ENTREP2: variants seen among roughly 807,000 people sequenced by gnomAD.
ENTREP2 encodes endosomal transmembrane epsin interactor 2.
chr15:29,450,887 C>T, the ENTREP2 span, among the ~76,000 whole-genome samples: 1,846 of 151,952 alleles, frequency 0.012, 34 homozygotes, highest in African/African-American at 0.041. Context: ...CACTTAAAAG[C>T]GGGAGCTAAA....
the ENTREP2 span, among the ~76,000 whole-genome samples, chr15:29,219,772 C>A: frequency 6.6e-6 from 1 of 150,492 alleles, no homozygotes; most frequent in Non-Finnish European, 1.5e-5. Context: ...GAATGGAAAA[C>A]CAAACATCGT....
the ENTREP2 span, among the ~76,000 whole-genome samples, chr15:29,535,507 C>A: frequency 1.3e-5 from 2 of 152,052 alleles, no homozygotes; most frequent in African/African-American, 2.4e-5. Context: ...CCTGGTGAGA[C>A]CCTGTCTCTA....
At chr15:29,290,127 C>T in the ENTREP2 span, among the ~76,000 whole-genome samples, 2 of 152,258 alleles carry the variant, frequency 1.3e-5, no homozygotes, top group Admixed American at 1.3e-4. Flanking sequence ...CACCTCACCA[C>T]CACAATGGTC....
At chr15:29,291,011 C>G in the ENTREP2 span, among the ~76,000 whole-genome samples, 1 of 152,182 alleles carries the variant, frequency 6.6e-6, no homozygotes, top group Non-Finnish European at 1.5e-5. Flanking sequence ...GTGCCTGAGT[C>G]TGGTGAATGG....
chr15:29,161,299 G>A, the ENTREP2 span, among the ~76,000 whole-genome samples: 1 of 152,182 alleles, frequency 6.6e-6, no homozygotes, highest in African/African-American at 2.4e-5. Flanking sequence ...CAAGCTCAGT[G>A]TTTCTGCCCC....
At chr15:29,196,595 G>A in the ENTREP2 span, 1,504 of 1,533,820 alleles carry the variant, frequency 9.8e-4, 7 homozygotes, top group African/African-American at 0.014. Context: ...AGACCTCACC[G>A]TTAACAGGCA....
At chr15:29,234,364 A>C in the ENTREP2 span, 1 of 1,576,474 alleles carries the variant, frequency 6.3e-7, no homozygotes, top group South Asian at 1.1e-5. Flanking sequence ...TGTAACACAG[A>C]AATGTCACTC....
At chr15:29,301,633 C>T in the ENTREP2 span, among the ~76,000 whole-genome samples, 19 of 152,164 alleles carry the variant, frequency 1.2e-4, no homozygotes, top group African/African-American at 4.6e-4. Context: ...CTGGGAATGA[C>T]CCAATGGAAG....
At chr15:29,566,846 T>TACACACACACACACAC in the ENTREP2 span, among the ~76,000 whole-genome samples, 8,351 of 145,954 alleles carry the variant, frequency 0.057, 404 homozygotes, top group East Asian at 0.22. Flanking sequence ...AAAGGAAAAA[T>TACACACACACACACAC]ACACACACAC....
the ENTREP2 span, among the ~76,000 whole-genome samples, chr15:29,169,830 T>C: frequency 1.3e-5 from 2 of 152,086 alleles, no homozygotes; most frequent in Non-Finnish European, 2.9e-5. Flanking sequence ...TTGCTGCCAA[T>C]ATCACTTCTG....
chr15:29,611,691 T>C, the ENTREP2 span, among the ~76,000 whole-genome samples: 1 of 152,134 alleles, frequency 6.6e-6, no homozygotes. Flanking sequence ...CAAGTGGCTT[T>C]ATCTCGGGGT....
At chr15:29,182,779 A>G in the ENTREP2 span, among the ~76,000 whole-genome samples, 1 of 152,074 alleles carries the variant, frequency 6.6e-6, no homozygotes, top group African/African-American at 2.4e-5. Flanking sequence ...TAACTACAAG[A>G]CAAATACAGA....
chr15:29,269,291 C>T, the ENTREP2 span: 4 of 1,614,202 alleles, frequency 2.5e-6, no homozygotes, highest in South Asian at 1.1e-5. Context: ...AGCTTATACC[C>T]GAAGACGTAC....
chr15:29,250,067 G>A, the ENTREP2 span, among the ~76,000 whole-genome samples: 4 of 152,074 alleles, frequency 2.6e-5, no homozygotes, highest in Non-Finnish European at 5.9e-5. Context: ...CACCTCCAAC[G>A]CTCGGGATTG....
chr15:29,276,680 A>T, the ENTREP2 span, among the ~76,000 whole-genome samples: 657 of 152,362 alleles, frequency 4.3e-3, 2 homozygotes, highest in African/African-American at 0.015. Flanking sequence ...TAATGCTGCC[A>T]TTTGAATCCC....
chr15:29,245,805 G>A, the ENTREP2 span, among the ~76,000 whole-genome samples: 1 of 152,118 alleles, frequency 6.6e-6, no homozygotes. Context: ...TCAGATTGGT[G>A]AAGACAAAAA....
chr15:29,402,165 G>A, the ENTREP2 span, among the ~76,000 whole-genome samples: 1,830 of 151,848 alleles, frequency 0.012, 14 homozygotes, highest in Middle Eastern at 0.02. Flanking sequence ...TTGGAAACTG[G>A]AAACAACCGA....
At chr15:29,375,848 C>A in the ENTREP2 span, 2 of 151,968 alleles carry the variant, frequency 1.3e-5, no homozygotes, top group African/African-American at 4.8e-5. Context: ...ACTGGCTCAC[C>A]GAGATCTTTG....
chr15:29,382,627 C>T, the ENTREP2 span, among the ~76,000 whole-genome samples: 6 of 152,174 alleles, frequency 3.9e-5, no homozygotes, highest in Non-Finnish European at 8.8e-5. Context: ...TCTCCTGCCT[C>T]CTCCCTACTG....
Sources: gnomAD v4.1 joint callset for allele counts (sites outside exome capture counted in the v4.1 genomes callset) on GRCh38, gnomAD v4.1.1 for gene constraint, MANE v1.5 for transcripts, NCBI Gene and HGNC (gene_info 2026-07-23, HGNC 2026-07-21) for gene names.